The following DCLK1 variants were observed in gnomAD, a reference collection of about 807,000 sequenced individuals.
DCLK1 encodes the protein serine/threonine-protein kinase DCLK1.
A neutral mutation model predicts 86.2 loss-of-function variants in DCLK1; 16 were observed. The observed-to-expected ratio is 0.19, with a 90% CI of 0.13 to 0.28. DCLK1 has a LOEUF of 0.28. Ranked by LOEUF, DCLK1 falls within the 10% of genes least tolerant of loss-of-function variation. The pLI is 1.00. For missense variants in DCLK1, 590 were observed against 940.2 expected (o/e 0.63, Z 4.87); for synonymous variants, 369 against 370.5 (o/e 1.00, Z 0.05).
chr13:35,886,007 CT>C (rs10589320), intron 4 of DCLK1, among the ~76,000 whole-genome samples: 2,718 of 130,542 alleles, frequency 0.021, 24 homozygotes, highest in African/African-American at 0.071. Flanking sequence ...GAATAGGTTC[CT>C]TTTTTTTTTT....
At chr13:35,988,497 G>C (rs981768477) in intron 3 of DCLK1, among the ~76,000 whole-genome samples, 1 of 152,190 alleles carries the variant, frequency 6.6e-6, no homozygotes, top group Non-Finnish European at 1.5e-5. Flanking sequence ...GAGGGAAAAA[G>C]TGTTAACTCA....
chr13:35,938,178 G>A (rs140466848), intron 4 of DCLK1, among the ~76,000 whole-genome samples: 175 of 152,270 alleles, frequency 1.1e-3, no homozygotes, highest in South Asian at 7.7e-3. Context: ...AAGAAATAAC[G>A]GAGTTTACAG....
At chr13:35,943,852 T>C (rs746853493) in intron 4 of DCLK1, among the ~76,000 whole-genome samples, 10 of 152,200 alleles carry the variant, frequency 6.6e-5, no homozygotes, top group Non-Finnish European at 1.5e-4. Flanking sequence ...TTGAGCTTCC[T>C]GTCTCCAATG....
At chr13:35,965,548 G>A (rs1055151363) in intron 3 of DCLK1, among the ~76,000 whole-genome samples, 2 of 152,176 alleles carry the variant, frequency 1.3e-5, no homozygotes, top group African/African-American at 2.4e-5. Context: ...TTTACCAGTT[G>A]CTGTGCAAAG....
At chr13:35,907,256 G>C (rs116505763) in intron 4 of DCLK1, among the ~76,000 whole-genome samples, 6 of 152,132 alleles carry the variant, frequency 3.9e-5, no homozygotes, top group Non-Finnish European at 8.8e-5. Context: ...TTGACCTCTC[G>C]GACTCAAGTG....
chr13:36,100,177 TACAAAAAAAAAAA>T (rs1885155455), intron 3 of DCLK1, among the ~76,000 whole-genome samples: 1 of 38,432 alleles, frequency 2.6e-5, no homozygotes, highest in African/African-American at 1.1e-4. Context: ...ACCCTGTCTC[TACAAAAAAAAAAA>T]AAAAAAAAAA....
intron 4 of DCLK1, among the ~76,000 whole-genome samples, chr13:35,926,073 T>C (rs76215754): frequency 1.1e-3 from 163 of 151,226 alleles, no homozygotes; most frequent in Admixed American, 1.5e-3. Flanking sequence ...TTTTTTTTTT[T>C]CCTGAGACAG....
intron 16 of DCLK1, among the ~76,000 whole-genome samples, chr13:35,775,049 C>G (rs2086400288): frequency 6.6e-6 from 1 of 152,088 alleles, no homozygotes; most frequent in African/African-American, 2.4e-5. Flanking sequence ...AAAAGGGGTG[C>G]CTGAGTCCTG....
chr13:35,801,836 G>C (rs1287843730), intron 15 of DCLK1, among the ~76,000 whole-genome samples: 2 of 152,082 alleles, frequency 1.3e-5, no homozygotes, highest in African/African-American at 4.8e-5. Flanking sequence ...GGGCCATTTG[G>C]TCTGGAATCA....
chr13:36,004,087 T>C (rs1262750233), intron 3 of DCLK1, among the ~76,000 whole-genome samples: 1 of 152,132 alleles, frequency 6.6e-6, no homozygotes, highest in Non-Finnish European at 1.5e-5. Context: ...AACAAAATAA[T>C]ACATTTATCT....
chr13:35,848,546 T>G, intron 6 of DCLK1: 1 of 985,284 alleles, frequency 1.0e-6, no homozygotes, highest in African/African-American at 1.7e-5. Context: ...GGCCATGATA[T>G]CTATCGGCAA....
At chr13:35,872,225 A>C (rs1430283375) in intron 4 of DCLK1, among the ~76,000 whole-genome samples, 1 of 152,210 alleles carries the variant, frequency 6.6e-6, no homozygotes, top group Non-Finnish European at 1.5e-5. Flanking sequence ...AATATAAGGC[A>C]TATTTTAAAA....
At chr13:35,986,021 A>C (rs1879885753) in intron 3 of DCLK1, among the ~76,000 whole-genome samples, 7 of 152,050 alleles carry the variant, frequency 4.6e-5, no homozygotes, top group Admixed American at 3.9e-4. Context: ...AGGCCGATGA[A>C]GGTCGGGCAC....
At chr13:36,074,015 T>C (rs530405083) in intron 3 of DCLK1, among the ~76,000 whole-genome samples, 3 of 152,336 alleles carry the variant, frequency 2.0e-5, no homozygotes, top group East Asian at 3.9e-4. Flanking sequence ...TTTAATTGGA[T>C]AACCATTTAG....
intron 4 of DCLK1, among the ~76,000 whole-genome samples, chr13:35,912,795 CTA>C (rs1304132439): frequency 2.0e-5 from 3 of 152,152 alleles, no homozygotes; most frequent in African/African-American, 7.2e-5. Flanking sequence ...CTGTCCCACA[CTA>C]TGAGGCAAGT....
At chr13:35,818,787 T>TC (rs2087327569) in intron 11 of DCLK1, among the ~76,000 whole-genome samples, 1 of 151,560 alleles carries the variant, frequency 6.6e-6, no homozygotes, top group African/African-American at 2.4e-5. Context: ...CTGAAGGTAT[T>TC]AATTTTTTTT....
intron 3 of DCLK1, among the ~76,000 whole-genome samples, chr13:36,092,795 G>A (rs928102874): frequency 7.2e-5 from 11 of 152,220 alleles, no homozygotes; most frequent in African/African-American, 2.2e-4. Context: ...CGCGAGAGGC[G>A]TTTTCTTTCC....
At chr13:35,781,761 G>A (rs185380932) in intron 16 of DCLK1, among the ~76,000 whole-genome samples, 134 of 152,220 alleles carry the variant, frequency 8.8e-4, no homozygotes, top group Middle Eastern at 3.4e-3. Context: ...ACTGAACTGG[G>A]GATGCAGCTG....
intron 10 of DCLK1, among the ~76,000 whole-genome samples, chr13:35,824,228 G>C (rs561812528): frequency 6.6e-6 from 1 of 152,326 alleles, no homozygotes; most frequent in South Asian, 2.1e-4. Flanking sequence ...CCAGGCTGGA[G>C]TGCAGTAGCA....
Sources: allele counts gnomAD v4.1 joint callset (sites outside exome capture counted in the v4.1 genomes callset), GRCh38; gene constraint gnomAD v4.1.1; transcripts MANE v1.5; gene names NCBI Gene and HGNC (gene_info 2026-07-23, HGNC 2026-07-21).